Variants in CCSER1 observed in about 807,000 individuals in gnomAD.
CCSER1 encodes coiled-coil serine rich protein 1.
A neutral mutation model predicts 82.0 loss-of-function variants in CCSER1; 41 were observed. That is an observed-to-expected ratio of 0.50 (90% CI 0.39 to 0.65). The LOEUF is 0.65. Among genes scored for constraint, CCSER1 ranks in the 30% least tolerant of loss-of-function variants. CCSER1 has a pLI of 0.00. For synonymous variants in CCSER1, 414 were observed against 383.9 expected (o/e 1.08, Z -0.92); for missense variants, 1,119 against 1,064.2 (o/e 1.05, Z -0.72).
chr4:91,297,070 A>C (rs1339472650), intron 10 of CCSER1, among the ~76,000 whole-genome samples: 1 of 151,778 alleles, frequency 6.6e-6, no homozygotes, highest in African/African-American at 2.4e-5. Flanking sequence ...AGACAAAATT[A>C]AGCAAAGAAT....
chr4:91,551,158 T>C (rs1762139031), intron 10 of CCSER1, among the ~76,000 whole-genome samples: 1 of 152,116 alleles, frequency 6.6e-6, no homozygotes, highest in Admixed American at 6.6e-5. Flanking sequence ...CAAAAGCTTA[T>C]GTATATATTT....
chr4:91,220,531 T>A (rs937596819), intron 10 of CCSER1, among the ~76,000 whole-genome samples: 1 of 152,218 alleles, frequency 6.6e-6, no homozygotes, highest in African/African-American at 2.4e-5. Flanking sequence ...AGAGTGACAA[T>A]TCAGAAACAG....
intron 10 of CCSER1, among the ~76,000 whole-genome samples, chr4:91,281,368 T>A (rs1742897894): frequency 6.6e-6 from 1 of 152,176 alleles, no homozygotes; most frequent in Non-Finnish European, 1.5e-5. Flanking sequence ...GAATTTCTCA[T>A]TGTAAAAGAT....
chr4:91,406,739 T>C (rs1266677329), intron 10 of CCSER1, among the ~76,000 whole-genome samples: 1 of 152,228 alleles, frequency 6.6e-6, no homozygotes, highest in Non-Finnish European at 1.5e-5. Context: ...CAACATGTTG[T>C]ATAAATAAAA....
At chr4:90,393,199 A>G (rs903448578) in intron 3 of CCSER1, among the ~76,000 whole-genome samples, 18 of 152,174 alleles carry the variant, frequency 1.2e-4, no homozygotes, top group African/African-American at 4.3e-4. Flanking sequence ...TAATTAGTTT[A>G]TCTCTTTTTT....
intron 3 of CCSER1, among the ~76,000 whole-genome samples, chr4:90,325,382 T>C (rs1176876606): frequency 1.3e-5 from 2 of 152,220 alleles, no homozygotes; most frequent in Non-Finnish European, 1.5e-5. Flanking sequence ...TAGGATATAC[T>C]TTAGATATTA....
chr4:90,174,944 C>T (rs1732391829), intron 1 of CCSER1, among the ~76,000 whole-genome samples: 1 of 151,976 alleles, frequency 6.6e-6, no homozygotes, highest in South Asian at 2.1e-4. Context: ...TGCAACTTTT[C>T]AGGTTCTTAA....
At chr4:91,463,206 T>A (rs1756616882) in intron 10 of CCSER1, among the ~76,000 whole-genome samples, 1 of 152,140 alleles carries the variant, frequency 6.6e-6, no homozygotes, top group South Asian at 2.1e-4. Context: ...TCAGCAATAA[T>A]CGCTGTTCTG....
At chr4:90,856,608 G>A (rs560019719) in intron 8 of CCSER1, among the ~76,000 whole-genome samples, 245 of 152,036 alleles carry the variant, frequency 1.6e-3, no homozygotes, top group Non-Finnish European at 2.7e-3. Flanking sequence ...AAAGAAGTAT[G>A]GCATAATAAC....
chr4:90,567,045 C>A, intron 5 of CCSER1, among the ~76,000 whole-genome samples: 1 of 143,568 alleles, frequency 7.0e-6, no homozygotes, highest in East Asian at 2.1e-4. Flanking sequence ...AACAAAAAAA[C>A]CTCTTGGTTT....
intron 10 of CCSER1, among the ~76,000 whole-genome samples, chr4:91,578,556 C>T (rs1763565723): frequency 6.6e-6 from 1 of 151,820 alleles, no homozygotes; most frequent in Non-Finnish European, 1.5e-5. Context: ...AACCATTCAT[C>T]TGAGGAAATT....
chr4:90,139,573 G>C (rs1391229162), intron 1 of CCSER1, among the ~76,000 whole-genome samples: 1 of 152,086 alleles, frequency 6.6e-6, no homozygotes, highest in Non-Finnish European at 1.5e-5. Flanking sequence ...AAAAAGAAAA[G>C]CTGTATTTCT....
chr4:90,839,022 C>T (rs531761554), intron 8 of CCSER1: 3 of 1,612,418 alleles, frequency 1.9e-6, no homozygotes, highest in African/African-American at 1.3e-5. Context: ...TCAGCCATAT[C>T]GGGTTTGTCA....
At chr4:91,070,675 A>C (rs1721331539) in intron 9 of CCSER1, among the ~76,000 whole-genome samples, 1 of 152,024 alleles carries the variant, frequency 6.6e-6, no homozygotes, top group Non-Finnish European at 1.5e-5. Flanking sequence ...TTGGTTGGGC[A>C]CTCCTTATGA....
chr4:90,453,732 TC>T (rs1187801421), intron 4 of CCSER1, among the ~76,000 whole-genome samples: 1 of 152,002 alleles, frequency 6.6e-6, no homozygotes, highest in Non-Finnish European at 1.5e-5. Flanking sequence ...AAACAAGAGG[TC>T]CTGCCAACTA....
At chr4:90,183,743 T>C (rs1734117454) in intron 1 of CCSER1, among the ~76,000 whole-genome samples, 1 of 152,180 alleles carries the variant, frequency 6.6e-6, no homozygotes, top group Admixed American at 6.6e-5. Flanking sequence ...AAATTCTTTC[T>C]ATTGTCACAA....
chr4:90,690,810 T>C (rs1735688975), intron 6 of CCSER1, among the ~76,000 whole-genome samples: 1 of 152,096 alleles, frequency 6.6e-6, no homozygotes, highest in African/African-American at 2.4e-5. Context: ...GGGATTGAAT[T>C]CCTGACTACC....
At chr4:90,565,890 T>C (rs1779310462) in intron 5 of CCSER1, among the ~76,000 whole-genome samples, 1 of 151,450 alleles carries the variant, frequency 6.6e-6, no homozygotes, top group Admixed American at 6.6e-5. Context: ...TGAGACAGTC[T>C]TGCTCTATCA....
At chr4:91,104,876 G>A (rs1159202662) in intron 10 of CCSER1, among the ~76,000 whole-genome samples, 1 of 152,162 alleles carries the variant, frequency 6.6e-6, no homozygotes, top group Non-Finnish European at 1.5e-5. Context: ...TAGGATTAGA[G>A]CCCAGCCTAA....
Sources: allele counts gnomAD v4.1 joint callset (sites outside exome capture counted in the v4.1 genomes callset), GRCh38; gene constraint gnomAD v4.1.1; transcripts MANE v1.5; gene names NCBI Gene and HGNC (gene_info 2026-07-23, HGNC 2026-07-21).